ST3GAL3: variants seen among roughly 807,000 people sequenced by gnomAD.
The protein encoded by ST3GAL3 is ST3 beta-galactoside alpha-2,3-sialyltransferase 3.
A neutral mutation model predicts 50.1 loss-of-function variants in ST3GAL3; 21 were observed. The observed-to-expected ratio is 0.42, with a 90% CI of 0.30 to 0.60. The LOEUF (loss-of-function observed/expected upper bound fraction) is 0.60. Among genes scored for constraint, ST3GAL3 ranks in the 20% least tolerant of loss-of-function variants. The pLI, the probability that ST3GAL3 is intolerant of heterozygous loss-of-function variation, is 0.19. For missense variants in ST3GAL3, 353 were observed against 489.4 expected (o/e 0.72, Z 2.63); for synonymous variants, 183 against 190.0 (o/e 0.96, Z 0.30).
At chr1:43,791,709 A>G (rs1224705081) in intron 2 of ST3GAL3, among the ~76,000 whole-genome samples, 1 of 152,252 alleles carries the variant, frequency 6.6e-6, no homozygotes, top group African/African-American at 2.4e-5. Flanking sequence ...GTATATAAGT[A>G]GAAGAAAGGG....
intron 9 of ST3GAL3, among the ~76,000 whole-genome samples, chr1:43,908,151 C>G (rs563654567): frequency 2.0e-4 from 30 of 152,220 alleles, no homozygotes; most frequent in Non-Finnish European, 3.8e-4. Flanking sequence ...CCACCATTGC[C>G]TTTGCCTTCC....
At position 43,894,469 on chromosome 1, in the gene ST3GAL3, A is replaced by G; in HGVS notation, c.389A>G (p.Lys130Arg). 1 of 1,614,072 alleles carries G rather than the reference A, an allele frequency of 6.2e-7. No individual in the cohort carries two copies. The highest frequency in any genetic ancestry group is 1.1e-5 in the South Asian group (1 of 91,070). Residue 130 changes from lysine to arginine, a missense_variant, in exon 6 of 12, where the codon AAA becomes AGA. Physicochemically the swap from Lys to Arg is conservative, Grantham distance 26. Transcript: ENST00000347631. ...GAGTTCGTGCCGCCTTTTGGGATCAAAGGTCAAGGTATGTTGGGAACCCTG... is the reference window on the plus strand; with the variant it reads ...GAGTTCGTGCCGCCTTTTGGGATCAGAGGTCAAGGTATGTTGGGAACCCTG... Reference protein sequence around the residue: ...IREFVPPFGIKGQDNLIKAIL... With the variant: ...IREFVPPFGIRGQDNLIKAIL...
intron 5 of ST3GAL3, among the ~76,000 whole-genome samples, chr1:43,845,715 T>C (rs557115042): frequency 8.5e-5 from 13 of 152,256 alleles, no homozygotes; most frequent in Admixed American, 2.6e-4. Flanking sequence ...TGTTTTTTTT[T>C]CCTTAGGCTA....
chr1:43,929,211 T>C (rs1056688601), intron 11 of ST3GAL3, among the ~76,000 whole-genome samples: 1 of 152,216 alleles, frequency 6.6e-6, no homozygotes, highest in African/African-American at 2.4e-5. Flanking sequence ...GAGGTTGGCT[T>C]GATTTAATTA....
At chr1:43,757,890 T>G (rs1177097053) in intron 2 of ST3GAL3, among the ~76,000 whole-genome samples, 1 of 152,208 alleles carries the variant, frequency 6.6e-6, no homozygotes, top group Non-Finnish European at 1.5e-5. Flanking sequence ...ACAAAGGTCT[T>G]GTACTTTACT....
intron 2 of ST3GAL3, among the ~76,000 whole-genome samples, chr1:43,765,110 C>G (rs987426502): frequency 2.0e-5 from 3 of 152,174 alleles, no homozygotes; most frequent in Non-Finnish European, 4.4e-5. Context: ...GGTTTTAACA[C>G]AATAAAGGTT....
At chr1:43,872,285 A>G (rs1570346324) in intron 5 of ST3GAL3, among the ~76,000 whole-genome samples, 6 of 55,784 alleles carry the variant, frequency 1.1e-4, no homozygotes, top group Admixed American at 2.2e-4. Context: ...TGTGGGGGGG[A>G]CGGAGGAGAG....
chr1:43,886,658 C>T (rs762454791), intron 5 of ST3GAL3, among the ~76,000 whole-genome samples: 1 of 152,086 alleles, frequency 6.6e-6, no homozygotes, highest in Non-Finnish European at 1.5e-5. Flanking sequence ...AATAGTGCTG[C>T]GCTGGGAGTA....
intron 5 of ST3GAL3, among the ~76,000 whole-genome samples, chr1:43,878,043 C>T (rs2074417277): frequency 6.6e-6 from 1 of 152,202 alleles, no homozygotes; most frequent in African/African-American, 2.4e-5. Context: ...TATTCCTGGA[C>T]TGAAATCAAG....
At position 43,898,345 on chromosome 1, in the gene ST3GAL3, G is replaced by A. The variant is rs758161351; in HGVS notation, c.461+47G>A. 22 of 1,600,776 alleles carry A rather than the reference G, an allele frequency of 1.4e-5. No individual in the cohort carries two copies. In the South Asian group the frequency reaches 2.4e-4, roughly 18 times the overall value. On this transcript the variant is annotated intron_variant, in intron 7 of 11. Transcript: ENST00000347631. ...CTCCTACCCACCGCTGCCTGGTGGTGTGCAGAGGTGTTGAGGCCCAGCTGG... is the reference window on the plus strand; with the variant it reads ...CTCCTACCCACCGCTGCCTGGTGGTATGCAGAGGTGTTGAGGCCCAGCTGG...
In ST3GAL3 at chr1:43,736,355, CT is replaced by C; in HGVS notation, c.95del (p.Leu32TyrfsTer22). The C allele has an allele frequency of 6.2e-7, 1 of 1,614,194 alleles. No homozygotes were observed. Among genetic ancestry groups the C allele is most frequent in the Non-Finnish European group, 8.5e-7 (1 of 1,180,032 alleles). On this transcript the variant is annotated frameshift_variant, in exon 2 of 12. Transcript: ENST00000347631. LOFTEE classifies it high-confidence loss of function. Reference protein sequence around the residue: ...FLYYSAWKLHLLQWEEDSNSV... With the variant: ...FLYYSAWKLHXLQWEEDSNSV... The stretch of plus-strand genomic sequence containing the variant: ...TGTATTATTCTGCGTGGAAGCTACA[CT>C]TACTCCAGTGGGAGGAGGACTCCAG...
intron 2 of ST3GAL3, among the ~76,000 whole-genome samples, chr1:43,769,184 A>G (rs1045586388): frequency 4.6e-5 from 7 of 152,222 alleles, no homozygotes; most frequent in African/African-American, 7.2e-5. Flanking sequence ...TAGATACAGA[A>G]CAAGCATTTA....
At chr1:43,896,710 AT>A (rs2077437548) in intron 6 of ST3GAL3, 1 of 151,984 alleles carries the variant, frequency 6.6e-6, no homozygotes, top group African/African-American at 2.4e-5. Flanking sequence ...CTCCTGACTA[AT>A]TTTTGTATTT....
intron 4 of ST3GAL3, among the ~76,000 whole-genome samples, chr1:43,818,833 G>A (rs1483941976): frequency 6.6e-6 from 1 of 152,142 alleles, no homozygotes; most frequent in Non-Finnish European, 1.5e-5. Flanking sequence ...AATAAAAGGG[G>A]TTAGCAGCAG....
At chr1:43,759,200 C>G (rs1430747766) in intron 2 of ST3GAL3, among the ~76,000 whole-genome samples, 2 of 151,332 alleles carry the variant, frequency 1.3e-5, no homozygotes, top group Non-Finnish European at 2.9e-5. Flanking sequence ...AATCCCAGCA[C>G]TTTGGGAGGC....
chr1:43,909,108 C>T (rs1169310682), intron 9 of ST3GAL3, among the ~76,000 whole-genome samples: 1 of 152,222 alleles, frequency 6.6e-6, no homozygotes, highest in Non-Finnish European at 1.5e-5. Flanking sequence ...AAGCCCATCA[C>T]CTCCAGCAGT....
At chr1:43,850,555 G>C in intron 5 of ST3GAL3, 1 of 707,306 alleles carries the variant, frequency 1.4e-6, no homozygotes, top group Admixed American at 1.8e-5. Flanking sequence ...AGTCCACTGG[G>C]CCGTAGAGTG....
chr1:43,714,739 C>A (rs886265865), intron 1 of ST3GAL3, among the ~76,000 whole-genome samples: 5 of 152,204 alleles, frequency 3.3e-5, no homozygotes, highest in African/African-American at 1.2e-4. Context: ...CTAAAACATA[C>A]ACACTTCTCC....
intron 2 of ST3GAL3, among the ~76,000 whole-genome samples, chr1:43,749,253 C>T (rs566663041): frequency 1.3e-5 from 2 of 152,272 alleles, no homozygotes; most frequent in East Asian, 3.9e-4. Context: ...AGGAGAAAAT[C>T]TTCATGCTGT....
Sources: allele counts gnomAD v4.1 joint callset (sites outside exome capture counted in the v4.1 genomes callset), GRCh38; gene constraint gnomAD v4.1.1; transcripts MANE v1.5; gene names NCBI Gene and HGNC (gene_info 2026-07-23, HGNC 2026-07-21).